The following CPB1 variants were observed in gnomAD, a reference collection of about 807,000 sequenced individuals.
CPB1 encodes carboxypeptidase B.
CPB1 carries 53 observed loss-of-function variants against 51.4 expected under a neutral mutation model. That is an observed-to-expected ratio of 1.03 (90% CI 0.83 to 1.30). The LOEUF (loss-of-function observed/expected upper bound fraction) is 1.30. Ranked by LOEUF, CPB1 falls within the 50% of genes most tolerant of loss-of-function variation. The pLI, the probability that CPB1 is intolerant of heterozygous loss-of-function variation, is 0.00. For missense variants in CPB1, 494 were observed against 516.2 expected (o/e 0.96, Z 0.42); for synonymous variants, 189 against 186.9 (o/e 1.01, Z -0.09).
chr3:148,831,469 GC>G (rs1260313144), intron 2 of CPB1, among the ~76,000 whole-genome samples: 1 of 152,022 alleles, frequency 6.6e-6, no homozygotes, highest in Non-Finnish European at 1.5e-5. Context: ...ACAAATTCAT[GC>G]AAATTTTTGA....
chr3:148,830,567 A>G (rs1376899279), intron 2 of CPB1, among the ~76,000 whole-genome samples: 2 of 152,206 alleles, frequency 1.3e-5, no homozygotes, highest in Non-Finnish European at 2.9e-5. Context: ...TGCTGTTACT[A>G]CTATCATTAG....
intron 2 of CPB1, among the ~76,000 whole-genome samples, chr3:148,828,726 T>C (rs978037280): frequency 6.6e-6 from 1 of 152,202 alleles, no homozygotes; most frequent in African/African-American, 2.4e-5. Context: ...AATACAGTAG[T>C]TCCACTTGGG....
At chr3:148,829,908 G>C (rs1328089416) in intron 2 of CPB1, among the ~76,000 whole-genome samples, 2 of 151,996 alleles carry the variant, frequency 1.3e-5, no homozygotes, top group African/African-American at 4.8e-5. Flanking sequence ...GTTACCTAGG[G>C]GTAACTCTGC....
intron 9 of CPB1, 26 bp downstream of exon 9, chr3:148,845,652 C>T (rs376118016): frequency 2.0e-6 from 3 of 1,534,782 alleles, no homozygotes; most frequent in Admixed American, 1.7e-5. Context: ...GTAGGTATGA[C>T]ATTTTACTAT....
At chr3:148,852,260 C>T (rs1316719170) in intron 9 of CPB1, among the ~76,000 whole-genome samples, 1 of 152,104 alleles carries the variant, frequency 6.6e-6, no homozygotes, top group Non-Finnish European at 1.5e-5. Context: ...ATATGACTTC[C>T]ATTTCAACTA....
intron 9 of CPB1, among the ~76,000 whole-genome samples, chr3:148,848,475 C>A (rs1713320933): frequency 6.6e-6 from 1 of 151,952 alleles, no homozygotes; most frequent in Non-Finnish European, 1.5e-5. Context: ...CATTGGTGTA[C>A]AAGAGATTTC....
At chr3:148,838,938 T>C (rs564762688) in intron 3 of CPB1, among the ~76,000 whole-genome samples, 1 of 152,342 alleles carries the variant, frequency 6.6e-6, no homozygotes, top group Non-Finnish European at 1.5e-5. Flanking sequence ...TAGTGCTGAC[T>C]AAAATCATTG....
rs752959859 is a variant in CPB1 at position 148,841,751 on chromosome 3, T to C, written c.475-72T>C. ...TCACTTGTTGAGTCTCAAGCCCAGATGGGTAGTGGAGGTTAACCCCTGAAT... is the reference window on the plus strand; with the variant it reads ...TCACTTGTTGAGTCTCAAGCCCAGACGGGTAGTGGAGGTTAACCCCTGAAT... On this transcript the variant is annotated intron_variant, in intron 5 of 10. Coordinates refer to ENST00000282957, the MANE Select transcript of CPB1 (RefSeq NM_001871.3). 1.1e-4 allele frequency: 133 copies of C among 1,172,390 alleles called. 1 individual carries two copies. The highest frequency in any genetic ancestry group is 1.6e-4 in the Non-Finnish European group (128 of 792,400). 72.6% of individuals were successfully genotyped at this position (1,172,390 alleles called of 1,614,324 possible).
chr3:148,836,338 T>C (rs893707945), intron 3 of CPB1, among the ~76,000 whole-genome samples: 1 of 152,174 alleles, frequency 6.6e-6, no homozygotes, highest in Non-Finnish European at 1.5e-5. Flanking sequence ...GATTCATGTC[T>C]ATAACATTTT....
Position 148,839,657 on chromosome 3 carries a change from G to A in CPB1, c.273-1029G>A, listed in dbSNP as rs900983325. Among the ~76,000 whole-genome samples the A allele has an allele frequency of 3.3e-5, 5 of 152,302 alleles. No individual in the cohort carries two copies. In the East Asian group the frequency reaches 9.7e-4, roughly 29 times the overall value. On this transcript the variant is annotated intron_variant, in intron 3 of 10. Coordinates refer to ENST00000282957, the MANE Select transcript of CPB1 (RefSeq NM_001871.3). The stretch of plus-strand genomic sequence containing the variant: ...GTACCCAAGTTCACCAATTGAAGGA[G>A]TGACCAGGAGGAAGGTTCAGAGGAT...
At chr3:148,850,350 G>A (rs1713388108) in intron 9 of CPB1, among the ~76,000 whole-genome samples, 1 of 152,120 alleles carries the variant, frequency 6.6e-6, no homozygotes, top group South Asian at 2.1e-4. Context: ...CACCCAGGCT[G>A]GAGTGCAGTG....
chr3:148,829,422 C>T (rs896589843), intron 2 of CPB1, among the ~76,000 whole-genome samples: 1 of 152,142 alleles, frequency 6.6e-6, no homozygotes, highest in Non-Finnish European at 1.5e-5. Flanking sequence ...AGTCATAGAA[C>T]ACTATGAGCT....
intron 9 of CPB1, among the ~76,000 whole-genome samples, chr3:148,853,326 A>G (rs1713485371): frequency 6.6e-6 from 1 of 152,186 alleles, no homozygotes; most frequent in Non-Finnish European, 1.5e-5. Flanking sequence ...GGCTATGTGC[A>G]CAGTCACGAA....
At chr3:148,830,881 T>A (rs1168759734) in intron 2 of CPB1, among the ~76,000 whole-genome samples, 1 of 152,184 alleles carries the variant, frequency 6.6e-6, no homozygotes, top group East Asian at 1.9e-4. Context: ...TTCTTCTTTA[T>A]TCTTTTATTT....
intron 9 of CPB1, among the ~76,000 whole-genome samples, chr3:148,848,007 A>G (rs558776655): frequency 9.2e-5 from 14 of 152,152 alleles, no homozygotes; most frequent in Non-Finnish European, 1.6e-4. Context: ...GGTGACTGTT[A>G]TTTGATTATC....
chr3:148,854,044 G>T (rs1391846455), intron 9 of CPB1: 1 of 152,170 alleles, frequency 6.6e-6, no homozygotes, highest in Non-Finnish European at 1.5e-5. Context: ...TCTCTGCTGT[G>T]TCGTTGCTTC....
At chr3:148,854,445 A>G (rs1403367942) in intron 9 of CPB1, 1 of 152,166 alleles carries the variant, frequency 6.6e-6, no homozygotes, top group Admixed American at 6.5e-5. Flanking sequence ...TGGAGGGGCT[A>G]AGAGAAAGGA....
chr3:148,859,102 T>C (rs1713677355), intron 10 of CPB1, among the ~76,000 whole-genome samples: 1 of 152,186 alleles, frequency 6.6e-6, no homozygotes, highest in African/African-American at 2.4e-5. Context: ...TTTTATTCAG[T>C]TCAACTAGGC....
At position 148,860,081 on chromosome 3, in the gene CPB1, T is replaced by C. The variant is rs1713707437; in HGVS notation, c.*79T>C. 7.0e-7 allele frequency: 1 copy of C among 1,432,190 alleles called. No individual in the cohort carries two copies. Among genetic ancestry groups the C allele is most frequent in the East Asian group, 2.3e-5 (1 of 43,782 alleles). The allele number at this position is 1,432,190 out of a possible 1,614,324, so 88.7% of individuals were successfully genotyped here. A position where few individuals can be genotyped will look rare whatever the true frequency, so the allele number is the denominator to read the frequency against. On this transcript the variant is annotated 3_prime_UTR_variant, in exon 11 of 11. Coordinates refer to ENST00000282957, the MANE Select transcript of CPB1 (RefSeq NM_001871.3). ...TCTTGAATTCTTATTTTGGTTTGCC[T>C]GGATGTTTTGCAGATCCCAATCTTT...
Sources: allele counts gnomAD v4.1 joint callset (sites outside exome capture counted in the v4.1 genomes callset), GRCh38; gene constraint gnomAD v4.1.1; transcripts MANE v1.5; gene names NCBI Gene and HGNC (gene_info 2026-07-23, HGNC 2026-07-21).